The following GDPD4 variants were observed in gnomAD, a reference collection of about 807,000 sequenced individuals.
GDPD4 encodes the protein glycerophosphodiester phosphodiesterase 6.
Under a neutral mutation model 67.8 loss-of-function variants are expected in GDPD4, and 60 were observed. That is an observed-to-expected ratio of 0.88 (90% confidence interval 0.72 to 1.10). GDPD4 has a LOEUF of 1.10. Among genes scored for constraint, GDPD4 ranks in the 50% least tolerant of loss-of-function variants. The pLI is 0.00. For synonymous variants in GDPD4, 212 were observed against 210.9 expected, an observed-to-expected ratio of 1.00 and a Z score of -0.04; for missense variants, 623 against 613.9, an observed-to-expected ratio of 1.01 and a Z score of -0.16.
intron 13 of GDPD4, among the ~76,000 whole-genome samples, chr11:77,234,412 T>A (rs1958512153): frequency 6.6e-6 from 1 of 152,206 alleles, no homozygotes; most frequent in African/African-American, 2.4e-5. Flanking sequence ...TACATGGATA[T>A]ATTGCATGAT....
At chr11:77,274,168 G>A (rs1352570102) in intron 5 of GDPD4, among the ~76,000 whole-genome samples, 4 of 152,108 alleles carry the variant, frequency 2.6e-5, no homozygotes, top group Admixed American at 6.5e-5. Flanking sequence ...ATATCAATAA[G>A]GCCTATTTGT....
intron 5 of GDPD4, among the ~76,000 whole-genome samples, chr11:77,275,665 C>T (rs563567931): frequency 6.6e-5 from 10 of 152,078 alleles, no homozygotes; most frequent in South Asian, 4.1e-4. Flanking sequence ...CCCACTCAGG[C>T]GGAAAAGAGG....
chr11:77,299,846 C>T (rs780568234), intron 1 of GDPD4, among the ~76,000 whole-genome samples: 1 of 152,148 alleles, frequency 6.6e-6, no homozygotes, highest in Non-Finnish European at 1.5e-5. Context: ...AAGAATGTAA[C>T]TAAGGGAAGG....
At chr11:77,253,061 T>C (rs1275811039) in intron 11 of GDPD4, among the ~76,000 whole-genome samples, 2 of 152,170 alleles carry the variant, frequency 1.3e-5, no homozygotes, top group African/African-American at 4.8e-5. Flanking sequence ...ATTTGCCCTC[T>C]CTGTGAACCT....
At chr11:77,287,488 T>C (rs1368597348) in intron 1 of GDPD4, 68 bp from the exon 2 acceptor site, 5 of 152,210 alleles carry the variant, frequency 3.3e-5, no homozygotes, top group Non-Finnish European at 5.9e-5. Context: ...CCCACCATTC[T>C]ACAGAAAATT....
At chr11:77,228,002 C>T (rs999397711) in intron 15 of GDPD4, 86 bp from the exon 16 acceptor site, 2 of 900,580 alleles carry the variant, frequency 2.2e-6, no homozygotes, top group South Asian at 1.3e-5. Context: ...ATCTTCTTCC[C>T]CCTTCCATCT....
chr11:77,250,321 T>C (rs1958865496), intron 11 of GDPD4, among the ~76,000 whole-genome samples: 1 of 152,194 alleles, frequency 6.6e-6, no homozygotes, highest in Non-Finnish European at 1.5e-5. Context: ...CTCCCACTTA[T>C]AAGTGAGAAC....
At chr11:77,238,086 T>C (rs1221672222) in intron 13 of GDPD4, among the ~76,000 whole-genome samples, 1 of 151,890 alleles carries the variant, frequency 6.6e-6, no homozygotes. Context: ...ATCAATGAAA[T>C]AGGAAAGTAA....
chr11:77,222,288 TGTTA>T (rs1440235461), intron 16 of GDPD4, among the ~76,000 whole-genome samples: 3 of 152,190 alleles, frequency 2.0e-5, no homozygotes, highest in Non-Finnish European at 2.9e-5. Flanking sequence ...TTATTTTGCT[TGTTA>T]GTTGATGCAG....
intron 16 of GDPD4, among the ~76,000 whole-genome samples, chr11:77,224,641 A>T (rs1958291170): frequency 6.6e-6 from 1 of 152,204 alleles, no homozygotes; most frequent in Non-Finnish European, 1.5e-5. Context: ...TCTGCTAACA[A>T]GCAGTGAGCC....
chr11:77,235,012 T>TTTTG lies in GDPD4; in HGVS notation c.1242-1841_1242-1840insCAAA, dbSNP rs1555115882. ...CTCTGCAACCTTGTCAATATCTGTT[T>TTTTG]TTTTTTTTTTTTTTTTTTTTTTTTT... On this transcript the variant is annotated intron_variant, in intron 13 of 16. Transcript: ENST00000315938. Among the ~76,000 whole-genome samples, 213 of 47,166 alleles carry TTTTG rather than the reference T, an allele frequency of 4.5e-3. 5 individuals carry two copies. Among genetic ancestry groups the TTTTG allele is most frequent in the African/African-American group, 0.017 (206 of 11,908 alleles). 30.9% of individuals were successfully genotyped at this position (47,166 alleles called of 152,430 possible).
Position 77,286,285 on chromosome 11 carries a change from A to G in GDPD4, c.-51+933T>C, listed in dbSNP as rs1393604379. ...CCCTCCCCTTGGTATGTGCCTGTGT[A>G]CATGCGCATACAGTTACAGCACTTC... is the stretch of plus-strand genomic sequence containing the variant. On this transcript the variant is annotated intron_variant, in intron 2 of 16. Transcript: ENST00000315938. Among the ~76,000 whole-genome samples the G allele has an allele frequency of 2.0e-5, 3 of 152,168 alleles. No homozygotes were observed. The East Asian group carries it at 5.8e-4, about 29-fold the overall frequency.
At position 77,298,449 on chromosome 11, in the gene GDPD4, T is replaced by C. The variant is rs1410087952; in HGVS notation, c.-254+3156A>G. 8.5e-5 allele frequency among the ~76,000 whole-genome samples: 13 copies of C among 152,284 alleles called. No homozygotes were observed. The South Asian group carries it at 2.1e-3, about 24-fold the overall frequency. The stretch of plus-strand genomic sequence containing the variant: ...ATTGCTTGAACCCGGGAGGCGGAGA[T>C]TGCAGTGAGCAGAGATGGTGCCACT... On this transcript the variant is annotated intron_variant, in intron 1 of 16. Coordinates refer to ENST00000315938, the MANE Select transcript of GDPD4 (RefSeq NM_182833.3).
At chr11:77,269,787 T>C (rs1176529145) in intron 8 of GDPD4, 96 bp downstream of exon 8, 3 of 655,822 alleles carry the variant, frequency 4.6e-6, no homozygotes, top group African/African-American at 3.7e-5. Flanking sequence ...CCCCAAGACT[T>C]ACTATTTTAG....
intron 10 of GDPD4, among the ~76,000 whole-genome samples, chr11:77,260,782 A>G (rs1959100844): frequency 6.6e-6 from 1 of 152,244 alleles, no homozygotes; most frequent in Non-Finnish European, 1.5e-5. Flanking sequence ...ATTGCATGAA[A>G]TTTAAAACAG....
At chr11:77,264,445 A>G (rs1312972765) in intron 10 of GDPD4, among the ~76,000 whole-genome samples, 1 of 152,174 alleles carries the variant, frequency 6.6e-6, no homozygotes, top group African/African-American at 2.4e-5. Context: ...AACACTTTAA[A>G]GGCAAGAAGG....
At chr11:77,217,367 T>G (rs1958145071) in intron 16 of GDPD4, 53 bp from the exon 17 acceptor site, 1 of 1,378,880 alleles carries the variant, frequency 7.3e-7, no homozygotes, top group Non-Finnish European at 1.0e-6. Context: ...CCACTCTCTG[T>G]CAGTCATGTG....
chr11:77,274,638 T>G (rs888914065), intron 5 of GDPD4, among the ~76,000 whole-genome samples: 1 of 152,206 alleles, frequency 6.6e-6, no homozygotes, highest in Non-Finnish European at 1.5e-5. Context: ...TGCAGAACCA[T>G]GAGACAAAAT....
chr11:77,219,972 T>C (rs1958196648), intron 16 of GDPD4, among the ~76,000 whole-genome samples: 1 of 152,194 alleles, frequency 6.6e-6, no homozygotes, highest in South Asian at 2.1e-4. Flanking sequence ...CTTGTGAGTT[T>C]TGCACATTGA....
Sources: allele counts gnomAD v4.1 joint callset (sites outside exome capture counted in the v4.1 genomes callset), GRCh38; gene constraint gnomAD v4.1.1; transcripts MANE v1.5; gene names NCBI Gene and HGNC (gene_info 2026-07-23, HGNC 2026-07-21).